Variants in CCDC178 observed in about 807,000 individuals in gnomAD.
CCDC178 encodes coiled-coil domain-containing protein 178.
CCDC178 carries 126 observed loss-of-function variants against 117.4 expected under a neutral mutation model. That is an observed-to-expected ratio of 1.07 (90% confidence interval 0.93 to 1.24). The LOEUF (loss-of-function observed/expected upper bound fraction) is 1.24. Ranked by LOEUF, CCDC178 falls within the 50% of genes most tolerant of loss-of-function variation. The pLI, the probability that CCDC178 is intolerant of heterozygous loss-of-function variation, is 0.00. For synonymous variants in CCDC178, 283 were observed against 313.4 expected (o/e 0.90, Z 1.02); for missense variants, 1,030 against 986.9 (o/e 1.04, Z -0.59).
intron 18 of CCDC178, among the ~76,000 whole-genome samples, chr18:33,216,914 T>G (rs2059172833): frequency 6.6e-6 from 1 of 152,056 alleles, no homozygotes; most frequent in African/African-American, 2.4e-5. Flanking sequence ...CGGACAGGTG[T>G]GAGTATGGAC....
intron 5 of CCDC178, among the ~76,000 whole-genome samples, chr18:33,371,042 T>C (rs951803030): frequency 2.6e-5 from 4 of 152,040 alleles, no homozygotes; most frequent in African/African-American, 9.7e-5. Context: ...CTCATTTCAA[T>C]TGACCTTGAG....
intron 21 of CCDC178, among the ~76,000 whole-genome samples, chr18:33,056,360 T>C (rs890370609): frequency 2.6e-5 from 4 of 152,200 alleles, no homozygotes; most frequent in Non-Finnish European, 5.9e-5. Context: ...TACAATTTGT[T>C]TCTAAGATTG....
At chr18:33,234,548 G>A (rs1207456646) in intron 15 of CCDC178, among the ~76,000 whole-genome samples, 2 of 152,044 alleles carry the variant, frequency 1.3e-5, no homozygotes, top group African/African-American at 2.4e-5. Context: ...AGAGAAATAA[G>A]AAAGTGTAGG....
At chr18:33,434,434 C>T (rs1171180881) in intron 2 of CCDC178, among the ~76,000 whole-genome samples, 2 of 152,076 alleles carry the variant, frequency 1.3e-5, no homozygotes, top group Non-Finnish European at 2.9e-5. Flanking sequence ...TAATTTTATA[C>T]ATGATTTCAT....
intron 9 of CCDC178, among the ~76,000 whole-genome samples, chr18:33,343,316 G>A (rs1252800337): frequency 6.6e-6 from 1 of 152,278 alleles, no homozygotes; most frequent in East Asian, 1.9e-4. Flanking sequence ...AAACTGCTAT[G>A]CATATCCAAC....
chr18:33,147,157 T>G (rs987076201), intron 20 of CCDC178, among the ~76,000 whole-genome samples: 1 of 150,690 alleles, frequency 6.6e-6, no homozygotes, highest in Non-Finnish European at 1.5e-5. Context: ...TTTTTTTTTT[T>G]TTTGTAAGGA....
At chr18:33,423,327 T>C (rs557764375) in intron 2 of CCDC178, among the ~76,000 whole-genome samples, 1 of 152,288 alleles carries the variant, frequency 6.6e-6, no homozygotes, top group African/African-American at 2.4e-5. Flanking sequence ...CTGTGTAGTG[T>C]TGGGTTAGCT....
chr18:33,247,126 GAGAC>G (rs2059560342), intron 14 of CCDC178, among the ~76,000 whole-genome samples: 1 of 151,216 alleles, frequency 6.6e-6, no homozygotes, highest in Non-Finnish European at 1.5e-5. Context: ...CAGAGAGACA[GAGAC>G]AGAGAGAGAA....
At chr18:33,399,132 G>A (rs1027365549) in intron 3 of CCDC178, among the ~76,000 whole-genome samples, 9 of 151,992 alleles carry the variant, frequency 5.9e-5, no homozygotes, top group South Asian at 2.1e-4. Context: ...CCCGCAAGGC[G>A]GAGGTTGCGC....
In CCDC178 at chr18:33,254,248, A is replaced by G. The variant is rs577660258; in HGVS notation, c.1410-8820T>C. Reference sequence around the variant, plus strand: ...TATGTCATTTATTCAACATCTATTGAGAAACACACACACACACACACACAC... The same window carrying G: ...TATGTCATTTATTCAACATCTATTGGGAAACACACACACACACACACACAC... On this transcript the variant is annotated intron_variant, in intron 14 of 22. Coordinates refer to ENST00000383096, the MANE Select transcript of CCDC178 (RefSeq NM_001105528.4). 2.5e-5 allele frequency among the ~76,000 whole-genome samples: 3 copies of G among 117,978 alleles called. No individual in the cohort carries two copies. In the South Asian group the frequency reaches 8.3e-4, roughly 33 times the overall value. The allele number at this position is 117,978 out of a possible 152,430, so 77.4% of individuals were successfully genotyped here. A position where few individuals can be genotyped will look rare whatever the true frequency, so the allele number is the denominator to read the frequency against.
intron 5 of CCDC178, among the ~76,000 whole-genome samples, chr18:33,382,901 C>T (rs1390770998): frequency 6.6e-6 from 1 of 152,190 alleles, no homozygotes; most frequent in Non-Finnish European, 1.5e-5. Flanking sequence ...CCACGGTGCC[C>T]AGCAAGCTGA....
intron 20 of CCDC178, among the ~76,000 whole-genome samples, chr18:33,097,310 C>T (rs909124860): frequency 6.6e-6 from 1 of 152,120 alleles, no homozygotes; most frequent in Non-Finnish European, 1.5e-5. Context: ...GCTCAGTTCT[C>T]AGGCAACAGC....
At chr18:33,020,413 T>C (rs1220570800) in intron 21 of CCDC178, among the ~76,000 whole-genome samples, 2 of 152,198 alleles carry the variant, frequency 1.3e-5, no homozygotes, top group African/African-American at 2.4e-5. Context: ...AGCCATAGTA[T>C]AGAAATAATT....
chr18:32,962,817 A>C (rs1568184110), intron 22 of CCDC178, among the ~76,000 whole-genome samples: 1 of 151,988 alleles, frequency 6.6e-6, no homozygotes, highest in Admixed American at 6.6e-5. Flanking sequence ...TTATGGTTTC[A>C]GTGCACTCAC....
chr18:33,118,236 G>A (rs2057886922), intron 20 of CCDC178, among the ~76,000 whole-genome samples: 1 of 151,974 alleles, frequency 6.6e-6, no homozygotes, highest in Non-Finnish European at 1.5e-5. Context: ...AGGTGGCAAT[G>A]CCTCCTAGTT....
intron 20 of CCDC178, among the ~76,000 whole-genome samples, chr18:33,205,094 G>C (rs1239684609): frequency 6.6e-6 from 1 of 151,986 alleles, no homozygotes; most frequent in Non-Finnish European, 1.5e-5. Context: ...ATAACTAAAA[G>C]TGGAATGTCT....
At chr18:33,263,692 G>C (rs1158806286) in intron 14 of CCDC178, among the ~76,000 whole-genome samples, 4 of 152,074 alleles carry the variant, frequency 2.6e-5, no homozygotes, top group African/African-American at 9.7e-5. Flanking sequence ...AAATAGAGAA[G>C]ACGTTACTAC....
chr18:33,282,960 C>A (rs67373469), intron 12 of CCDC178, among the ~76,000 whole-genome samples: 10,482 of 152,228 alleles, frequency 0.069, 561 homozygotes, highest in African/African-American at 0.14. Flanking sequence ...GGCCCCAAGC[C>A]AACACCACCT....
intron 7 of CCDC178, among the ~76,000 whole-genome samples, chr18:33,349,824 A>G (rs989766243): frequency 9.9e-5 from 15 of 152,012 alleles, no homozygotes; most frequent in African/African-American, 3.6e-4. Context: ...TTCAGAGATC[A>G]AATAGAATAG....
Sources: gnomAD v4.1 joint callset for allele counts (sites outside exome capture counted in the v4.1 genomes callset) on GRCh38, gnomAD v4.1.1 for gene constraint, MANE v1.5 for transcripts, NCBI Gene and HGNC (gene_info 2026-07-23, HGNC 2026-07-21) for gene names.